TLE2: variants seen among roughly 807,000 people sequenced by gnomAD.
TLE2 encodes the protein TLE family member 2, transcriptional corepressor.
A neutral mutation model predicts 97.2 loss-of-function variants in TLE2; 74 were observed. That is an observed-to-expected ratio of 0.76 (90% CI 0.63 to 0.92). The LOEUF (loss-of-function observed/expected upper bound fraction) is 0.92. TLE2 is among the 40% of genes least tolerant of loss of function. TLE2 has a pLI of 0.00. For missense variants in TLE2, 1,038 were observed against 1,008.7 expected, an observed-to-expected ratio of 1.03 and a Z score of -0.39; for synonymous variants, 499 against 432.1, an observed-to-expected ratio of 1.15 and a Z score of -1.92.
In TLE2 at chr19:3,019,404, G is replaced by C. The variant is rs557979975; in HGVS notation, c.429C>G (p.Ala143=). The change falls in exon 7 of 20, where the codon GCC becomes GCG. Residue 143 remains alanine, a synonymous_variant. Coordinates refer to ENST00000262953, the MANE Select transcript of TLE2 (RefSeq NM_003260.5). The surrounding 1 kb of genome is among the most constrained non-coding windows in gnomAD (Gnocchi z 5.1). Reference sequence around the variant, plus strand: ...CCGTAGCACTGCCGCCCACCAGCCCGGCTGGGCGGGGGGTGAGGGGCACAG... The same window carrying C: ...CCGTAGCACTGCCGCCCACCAGCCCCGCTGGGCGGGGGGTGAGGGGCACAG... ...APPVPLTPRP[A]GLVGGSATGL... is the part of the protein sequence containing the mutation. 2.6e-6 allele frequency: 4 copies of C among 1,539,496 alleles called. No homozygotes were observed. Among genetic ancestry groups the C allele is most frequent in the Non-Finnish European group, 3.5e-6 (4 of 1,148,316 alleles).
chr19:3,032,768 C>T (rs745969051), upstream of TLE2, among the ~76,000 whole-genome samples: 2 of 151,948 alleles, frequency 1.3e-5, no homozygotes, highest in African/African-American at 2.4e-5. This position sits in a 1 kb window ranked among gnomAD's most constrained non-coding sequence, Gnocchi z 4.1. Context: ...GTCAAGAGTC[C>T]GTGATTCCAG....
rs563633653 is a variant in TLE2 at position 3,017,982 on chromosome 19, GTC to G, written c.551-125_551-124del. ...CCCCGCCCCCACCACCCCACTCAGA[GTC>G]TCTCTACCCTTCCAACACCCTTGCA... On this transcript the variant is annotated intron_variant, in intron 7 of 19. Coordinates refer to ENST00000262953, the MANE Select transcript of TLE2 (RefSeq NM_003260.5). 1,106 of 774,522 alleles carry G rather than the reference GTC, an allele frequency of 1.4e-3. 3 individuals carry two copies. Among genetic ancestry groups the G allele is most frequent in the Middle Eastern group, 2.4e-3 (9 of 3,684 alleles). 48.0% of individuals were successfully genotyped at this position (774,522 alleles called of 1,614,324 possible).
At chr19:3,015,058 C>CAAAA (rs34658846) in intron 9 of TLE2, among the ~76,000 whole-genome samples, 1 of 130,514 alleles carries the variant, frequency 7.7e-6, no homozygotes, top group East Asian at 2.2e-4. Context: ...AATTCATTGC[C>CAAAA]AAAAAAAAAA....
chr19:3,019,911 T>C lies in TLE2; in HGVS notation c.295-138A>G, dbSNP rs2089802743. 2 of 1,166,808 alleles carry C rather than the reference T, an allele frequency of 1.7e-6. No individual in the cohort carries two copies. The highest frequency in any genetic ancestry group is 2.4e-6 in the Non-Finnish European group (2 of 839,572). 72.3% of individuals were successfully genotyped at this position (1,166,808 alleles called of 1,614,324 possible). ...CCCATTTCTCTTTTATCTTTTTCCC[T>C]CTCACTCTCTCCCTTTCCTTTTGGA... On this transcript the variant is annotated intron_variant, in intron 5 of 19. Coordinates refer to ENST00000262953, the MANE Select transcript of TLE2 (RefSeq NM_003260.5). This position sits in a 1 kb window ranked among gnomAD's most constrained non-coding sequence, Gnocchi z 5.1.
chr19:3,028,721 T>A lies in TLE2; in HGVS notation c.107A>T (p.Gln36Leu), dbSNP rs773569550. 9 of 1,612,848 alleles carry A rather than the reference T, an allele frequency of 5.6e-6. No individual in the cohort carries two copies. The highest frequency in any genetic ancestry group is 1.1e-5 in the South Asian group (1 of 91,086). ...CCCCCCTCACCTGTGGTATTGAGCC[T>A]GAAGAAACTGGAATTCTTCTTTGAT... is the stretch of plus-strand genomic sequence containing the variant. ...DRIKEEFQFL[Q>L]AQYHSLKLEC... The change falls in exon 2 of 20, where the codon CAG (glutamine) becomes CTG (leucine). Residue 36 changes from glutamine (Q) to leucine (L), a missense_variant. By Grantham distance (113) the Gln-to-Leu change is moderately radical. Transcript: ENST00000262953.
chr19:3,037,919 C>G (rs568933811), intron 1 of TLE2, among the ~76,000 whole-genome samples: 1 of 152,046 alleles, frequency 6.6e-6, no homozygotes, highest in Non-Finnish European at 1.5e-5. Context: ...GTCAGGAGTT[C>G]GACACCAGCC....
intron 5 of TLE2, among the ~76,000 whole-genome samples, chr19:3,024,117 C>T (rs1364468271): frequency 6.6e-6 from 1 of 151,108 alleles, no homozygotes; most frequent in East Asian, 2.0e-4. Context: ...TCTCCTGCCT[C>T]AGCCTCCCGA....
intron 7 of TLE2, among the ~76,000 whole-genome samples, 168 bp from the exon 8 acceptor site, chr19:3,018,027 C>A (rs1346387122): frequency 6.6e-6 from 1 of 151,928 alleles, no homozygotes; most frequent in Non-Finnish European, 1.5e-5. Flanking sequence ...GATTATCCCT[C>A]CCCTGCATTC....
At chr19:3,029,451 G>T, upstream of TLE2, 1 of 968,066 alleles carries the variant, frequency 1.0e-6, no homozygotes, top group Non-Finnish European at 1.2e-6. Context: ...ACTGAGGCCG[G>T]GTGGGGAGGC....
At chr19:3,029,568 G>T (rs1001717502), upstream of TLE2, 11 of 741,926 alleles carry the variant, frequency 1.5e-5, no homozygotes, top group Non-Finnish European at 1.5e-5. Context: ...CGGGGGGGGG[G>T]GCTTGCGGGG....
intron 9 of TLE2, among the ~76,000 whole-genome samples, 200 bp from the exon 10 acceptor site, chr19:3,014,814 C>T (rs1036365756): frequency 2.0e-5 from 3 of 151,968 alleles, no homozygotes; most frequent in African/African-American, 7.2e-5. Flanking sequence ...GGAGGCAGGG[C>T]AGGTGGGCAC....
chr19:3,038,300 C>T (rs115387851), intron 1 of TLE2, among the ~76,000 whole-genome samples: 4,152 of 152,242 alleles, frequency 0.027, 195 homozygotes, highest in African/African-American at 0.092. Context: ...CTTGACCTCG[C>T]TGGGCTCAAG....
chr19:3,019,835 C>G lies in TLE2; in HGVS notation c.295-62G>C. ...AGCCCCTGCTCATGCTAGCGGTGCC[C>G]TTGGGGACCTGACCTCTCCCCGCCA... On this transcript the variant is annotated intron_variant, in intron 5 of 19. Transcript: ENST00000262953. This position sits in a 1 kb window ranked among gnomAD's most constrained non-coding sequence, Gnocchi z 5.1. 6 of 1,558,632 alleles carry G rather than the reference C, an allele frequency of 3.8e-6. No individual in the cohort carries two copies. Among genetic ancestry groups the G allele is most frequent in the Non-Finnish European group, 5.2e-6 (6 of 1,152,646 alleles).
intron 4 of TLE2, chr19:3,025,591 C>G: frequency 5.1e-6 from 5 of 986,376 alleles, no homozygotes; most frequent in Non-Finnish European, 6.0e-6. Flanking sequence ...TCTCAGCACG[C>G]CACACTCAAG....
At chr19:2,998,492 G>A (rs1599185880) in intron 19 of TLE2, among the ~76,000 whole-genome samples, 3 of 152,008 alleles carry the variant, frequency 2.0e-5, no homozygotes, top group Non-Finnish European at 4.4e-5. Flanking sequence ...TGGCCAGGTT[G>A]GGCTTGAACT....
At chr19:3,046,783 T>C (rs898666607), upstream of TLE2, among the ~76,000 whole-genome samples, 5 of 151,774 alleles carry the variant, frequency 3.3e-5, no homozygotes, top group African/African-American at 1.2e-4. Flanking sequence ...AGAAGGGGCT[T>C]CCAGAGGAAA....
chr19:3,000,058 A>T (rs1455475316), intron 19 of TLE2, among the ~76,000 whole-genome samples: 1 of 150,470 alleles, frequency 6.6e-6, no homozygotes, highest in Non-Finnish European at 1.5e-5. Flanking sequence ...AATGAGTAAG[A>T]TGGCAAATTT....
chr19:2,999,296 A>T (rs1249605369), intron 19 of TLE2, among the ~76,000 whole-genome samples: 3 of 151,868 alleles, frequency 2.0e-5, no homozygotes, highest in Non-Finnish European at 4.4e-5. Flanking sequence ...AAACAAAAAA[A>T]CACTGTACCA....
intron 4 of TLE2, chr19:3,025,698 T>C: frequency 1.7e-5 from 13 of 775,252 alleles, no homozygotes; most frequent in Non-Finnish European, 2.0e-5. Context: ...GGGCATACAA[T>C]GGCCACGGAC....
Sources: allele counts gnomAD v4.1 joint callset (sites outside exome capture counted in the v4.1 genomes callset), GRCh38; gene constraint gnomAD v4.1.1; non-coding constraint Gnocchi (gnomAD v3.1); transcripts MANE v1.5; gene names NCBI Gene and HGNC (gene_info 2026-07-23, HGNC 2026-07-21).